Variants in SDK1 observed in about 807,000 individuals in gnomAD.
The protein encoded by SDK1 is protein sidekick-1.
SDK1 carries 157 observed loss-of-function variants against 245.5 expected under a neutral mutation model. The observed-to-expected ratio is 0.64, with a 90% confidence interval of 0.56 to 0.73. The LOEUF (loss-of-function observed/expected upper bound fraction) is 0.73. Ranked by LOEUF, SDK1 falls within the 30% of genes least tolerant of loss-of-function variation. The pLI, the probability that SDK1 is intolerant of heterozygous loss-of-function variation, is 0.00. For synonymous variants in SDK1, 1,647 were observed against 1,278.5 expected, an observed-to-expected ratio of 1.29 and a Z score of -6.15; for missense variants, 3,583 against 3,002.3, an observed-to-expected ratio of 1.19 and a Z score of -4.52.
intron 3 of SDK1, among the ~76,000 whole-genome samples, chr7:3,641,480 C>T (rs1014303995): frequency 2.6e-5 from 4 of 151,954 alleles, no homozygotes; most frequent in Admixed American, 6.6e-5. Flanking sequence ...AATATTGCTC[C>T]CAAAAGATCT....
chr7:4,173,564 A>G (rs545520807), intron 32 of SDK1, among the ~76,000 whole-genome samples: 3 of 152,176 alleles, frequency 2.0e-5, no homozygotes, highest in Non-Finnish European at 2.9e-5. Context: ...ATGTGTGTCT[A>G]ATGAGCGCCT....
chr7:4,010,390 G>T (rs1414144788), intron 14 of SDK1, among the ~76,000 whole-genome samples: 1 of 152,158 alleles, frequency 6.6e-6, no homozygotes, highest in African/African-American at 2.4e-5. Context: ...TGGAAAGCTG[G>T]GTGGGAAGAT....
intron 8 of SDK1, 30 bp downstream of exon 8, chr7:3,959,044 G>A: frequency 1.3e-6 from 2 of 1,537,444 alleles, no homozygotes; most frequent in Non-Finnish European, 1.8e-6. Context: ...TGGACAAGGA[G>A]CCATGACTGG....
At chr7:3,778,786 A>G (rs1780638832) in intron 4 of SDK1, among the ~76,000 whole-genome samples, 1 of 152,234 alleles carries the variant, frequency 6.6e-6, no homozygotes, top group Non-Finnish European at 1.5e-5. Flanking sequence ...TGTAAACTGA[A>G]TAAGGTTGAA....
At chr7:3,570,459 G>C (rs1365563966) in intron 1 of SDK1, among the ~76,000 whole-genome samples, 1 of 152,068 alleles carries the variant, frequency 6.6e-6, no homozygotes, top group African/African-American at 2.4e-5. Flanking sequence ...GCTATGGACG[G>C]GTACCCGTCC....
At chr7:3,844,121 C>A (rs957562501) in intron 5 of SDK1, among the ~76,000 whole-genome samples, 1 of 152,088 alleles carries the variant, frequency 6.6e-6, no homozygotes, top group Non-Finnish European at 1.5e-5. Context: ...CAGGTGCTCA[C>A]CACCATGCCC....
At chr7:4,121,604 G>A (rs185105603) in intron 25 of SDK1, among the ~76,000 whole-genome samples, 2 of 152,236 alleles carry the variant, frequency 1.3e-5, no homozygotes, top group Admixed American at 1.3e-4. Flanking sequence ...CCCAGTATTG[G>A]GTATTTATTT....
intron 4 of SDK1, among the ~76,000 whole-genome samples, chr7:3,785,279 G>T (rs955897625): frequency 6.6e-6 from 1 of 152,090 alleles, no homozygotes; most frequent in Non-Finnish European, 1.5e-5. Flanking sequence ...TTGTTGCTGA[G>T]CATGGTGAAT....
intron 1 of SDK1, among the ~76,000 whole-genome samples, chr7:3,602,670 C>T (rs1445270860): frequency 1.3e-5 from 2 of 151,858 alleles, no homozygotes; most frequent in Admixed American, 6.6e-5. Flanking sequence ...TGCAGAAGCT[C>T]TTTAGTTTAA....
chr7:3,894,657 C>T (rs1354691484), intron 5 of SDK1, among the ~76,000 whole-genome samples: 1 of 151,840 alleles, frequency 6.6e-6, no homozygotes, highest in Non-Finnish European at 1.5e-5. Context: ...CACTATACAC[C>T]AGGTGTGTAT....
chr7:3,375,476 G>A (rs1184941646), intron 1 of SDK1, among the ~76,000 whole-genome samples: 4 of 152,196 alleles, frequency 2.6e-5, no homozygotes, highest in African/African-American at 9.6e-5. Context: ...TCCGTGTATA[G>A]ACTCTCCTTA....
intron 41 of SDK1, among the ~76,000 whole-genome samples, chr7:4,233,626 G>A (rs1785949424): frequency 1.3e-5 from 2 of 152,152 alleles, no homozygotes; most frequent in South Asian, 2.1e-4. Context: ...TTCTCCTGAA[G>A]GACGGGAGAG....
At chr7:4,008,638 A>G (rs973158169) in intron 14 of SDK1, among the ~76,000 whole-genome samples, 3 of 152,234 alleles carry the variant, frequency 2.0e-5, no homozygotes, top group Non-Finnish European at 1.5e-5. Flanking sequence ...CTCTTTCCAA[A>G]TAAAGGAAGG....
chr7:3,419,333 C>G (rs953097517), intron 1 of SDK1, among the ~76,000 whole-genome samples: 9 of 152,188 alleles, frequency 5.9e-5, no homozygotes, highest in Admixed American at 2.6e-4. Flanking sequence ...TCTGTGGCCA[C>G]TTGATGATAA....
intron 40 of SDK1, among the ~76,000 whole-genome samples, chr7:4,224,362 G>A (rs1435747386): frequency 2.0e-5 from 3 of 152,218 alleles, no homozygotes; most frequent in South Asian, 2.1e-4. Flanking sequence ...GAGCCGGCAC[G>A]CCACATGGCT....
At chr7:3,455,968 T>C (rs1226203385) in intron 1 of SDK1, among the ~76,000 whole-genome samples, 3 of 152,176 alleles carry the variant, frequency 2.0e-5, no homozygotes, top group Non-Finnish European at 4.4e-5. Context: ...AATGTTCTTA[T>C]TTGTTGTTCA....
intron 4 of SDK1, among the ~76,000 whole-genome samples, chr7:3,697,825 A>G (rs1784619254): frequency 1.3e-5 from 2 of 152,164 alleles, no homozygotes; most frequent in Admixed American, 6.5e-5. Flanking sequence ...AAAGACTGTT[A>G]AAAGAGGCCT....
chr7:3,931,753 G>A (rs1779987010), intron 5 of SDK1, among the ~76,000 whole-genome samples: 1 of 152,114 alleles, frequency 6.6e-6, no homozygotes, highest in Admixed American at 6.6e-5. Flanking sequence ...CGACTTATGG[G>A]GCGTTTTACT....
At chr7:3,475,130 TC>T (rs1781313431) in intron 1 of SDK1, among the ~76,000 whole-genome samples, 1 of 152,202 alleles carries the variant, frequency 6.6e-6, no homozygotes, top group Non-Finnish European at 1.5e-5. Context: ...TTTGATTCCT[TC>T]CCCTTGTTCC....
Sources: allele counts gnomAD v4.1 joint callset (sites outside exome capture counted in the v4.1 genomes callset), GRCh38; gene constraint gnomAD v4.1.1; transcripts MANE v1.5; gene names NCBI Gene and HGNC (gene_info 2026-07-23, HGNC 2026-07-21).